The following SCAPER variants were observed in gnomAD, a reference collection of about 807,000 sequenced individuals.
SCAPER encodes the protein S-phase cyclin A associated protein in the ER.
Under a neutral mutation model 182.2 loss-of-function variants are expected in SCAPER, and 98 were observed. That is an observed-to-expected ratio of 0.54 (90% CI 0.46 to 0.64). SCAPER has a LOEUF of 0.64. Among genes scored for constraint, SCAPER ranks in the 30% least tolerant of loss-of-function variants. The probability of loss-of-function intolerance (pLI) is 0.00; values close to 1 mark genes in which losing one functional copy is unlikely to be tolerated. For synonymous variants in SCAPER, 605 were observed against 564.6 expected (o/e 1.07, Z -1.01); for missense variants, 1,432 against 1,690.0 (o/e 0.85, Z 2.68).
intron 29 of SCAPER, among the ~76,000 whole-genome samples, chr15:76,358,528 G>T (rs1480427710): frequency 2.0e-5 from 3 of 152,226 alleles, no homozygotes; most frequent in Non-Finnish European, 4.4e-5. Flanking sequence ...GGCCTTCCTT[G>T]TTGGCAGACA....
At chr15:76,839,805 T>C (rs1362259430) in intron 5 of SCAPER, among the ~76,000 whole-genome samples, 1 of 152,210 alleles carries the variant, frequency 6.6e-6, no homozygotes, top group East Asian at 1.9e-4. Flanking sequence ...TAAAACACAG[T>C]CATGTCAGAG....
chr15:76,722,402 T>C lies in SCAPER; in HGVS notation c.2165+6193A>G, dbSNP rs562736384. Reference sequence around the variant, plus strand: ...TCTAAAATTCTCTTTTTTGGTTGTGTCTCTCCTAGGCTTTGGTATCAGGAT... The same window carrying C: ...TCTAAAATTCTCTTTTTTGGTTGTGCCTCTCCTAGGCTTTGGTATCAGGAT... On this transcript the variant is annotated intron_variant, in intron 17 of 31. Transcript: ENST00000563290. Among the ~76,000 whole-genome samples, 15 of 152,314 alleles carry C rather than the reference T, an allele frequency of 9.8e-5. No homozygotes were observed. The East Asian group carries it at 2.1e-3, about 22-fold the overall frequency.
At chr15:76,708,172 C>G (rs2059362647) in intron 17 of SCAPER, among the ~76,000 whole-genome samples, 1 of 152,060 alleles carries the variant, frequency 6.6e-6, no homozygotes, top group Non-Finnish European at 1.5e-5. Flanking sequence ...TAAATCATCC[C>G]TAGATTACTT....
chr15:76,392,261 G>T (rs1221959834), intron 27 of SCAPER, among the ~76,000 whole-genome samples: 1 of 151,934 alleles, frequency 6.6e-6, no homozygotes, highest in Non-Finnish European at 1.5e-5. Flanking sequence ...ACTTCTATAA[G>T]CTATCTCAAG....
At chr15:76,898,312 G>A (rs563667396) in intron 1 of SCAPER, among the ~76,000 whole-genome samples, 3 of 152,120 alleles carry the variant, frequency 2.0e-5, no homozygotes, top group African/African-American at 7.2e-5. Context: ...AATGTAAACC[G>A]GTACAGCTGG....
chr15:76,471,848 G>A (rs2050202002), intron 24 of SCAPER, among the ~76,000 whole-genome samples: 1 of 152,174 alleles, frequency 6.6e-6, no homozygotes, highest in Non-Finnish European at 1.5e-5. Flanking sequence ...GCGGGGCATG[G>A]ATGAGTGCCT....
In SCAPER at chr15:76,669,771, C is replaced by T. The variant is rs16968413; in HGVS notation, c.2509-3982G>A. The stretch of plus-strand genomic sequence containing the variant: ...AAGGTTTTTTATTACTCCACATTCC[C>T]TCCCGCCATGCTGCTCATGCAGGCT... On this transcript the variant is annotated intron_variant, in intron 20 of 31. Coordinates refer to ENST00000563290, the MANE Select transcript of SCAPER (RefSeq NM_020843.4). Among the ~76,000 whole-genome samples the T allele has an allele frequency of 3.5e-3, 531 of 152,316 alleles. 5 individuals carry two copies. Among genetic ancestry groups the T allele is most frequent in the African/African-American group, 0.012 (493 of 41,568 alleles).
intron 26 of SCAPER, among the ~76,000 whole-genome samples, chr15:76,429,179 G>A (rs1365587062): frequency 6.6e-6 from 1 of 151,988 alleles, no homozygotes; most frequent in Non-Finnish European, 1.5e-5. Flanking sequence ...GCATGATTGT[G>A]AGGCCTCCCC....
At chr15:76,419,191 C>G (rs1232856270) in intron 26 of SCAPER, among the ~76,000 whole-genome samples, 5 of 152,154 alleles carry the variant, frequency 3.3e-5, no homozygotes, top group Admixed American at 3.3e-4. Context: ...CCAAAGCCAA[C>G]ACACGGTACC....
At chr15:76,857,708 A>G in intron 4 of SCAPER, 101 bp downstream of exon 4, 1 of 782,072 alleles carries the variant, frequency 1.3e-6, no homozygotes, top group Non-Finnish European at 2.0e-6. Flanking sequence ...TTATTTAGAT[A>G]AATAATATTC....
intron 8 of SCAPER, among the ~76,000 whole-genome samples, chr15:76,784,845 G>A (rs1002728260): frequency 6.6e-6 from 1 of 152,210 alleles, no homozygotes; most frequent in Non-Finnish European, 1.5e-5. Flanking sequence ...AGCTGAAACT[G>A]GATCTCTTCC....
Position 76,686,324 on chromosome 15 carries a change from A to T in SCAPER, c.2508+15434T>A, listed in dbSNP as rs184519772. ...ACATGAAGAAATGTTTTATGTCATT[A>T]ATGATCATGCAAATAAAAATCAAGC... On this transcript the variant is annotated intron_variant, in intron 20 of 31. Transcript: ENST00000563290. 7.6e-4 allele frequency among the ~76,000 whole-genome samples: 115 copies of T among 152,224 alleles called. 1 individual carries two copies. Among genetic ancestry groups the T allele is most frequent in the Admixed American group, 3.4e-3 (52 of 15,290 alleles).
chr15:76,818,770 G>A (rs940776046), intron 5 of SCAPER, among the ~76,000 whole-genome samples: 2 of 152,260 alleles, frequency 1.3e-5, no homozygotes, highest in Non-Finnish European at 2.9e-5. Flanking sequence ...CACCGTGCGT[G>A]AGCCAAAGCA....
intron 23 of SCAPER, among the ~76,000 whole-genome samples, chr15:76,548,292 G>A (rs2045467516): frequency 6.6e-6 from 1 of 152,108 alleles, no homozygotes; most frequent in African/African-American, 2.4e-5. Flanking sequence ...TGCCTATTTT[G>A]GAAAAATCAG....
chr15:76,514,616 GTT>G (rs1261545123), intron 23 of SCAPER, among the ~76,000 whole-genome samples: 2 of 151,888 alleles, frequency 1.3e-5, no homozygotes, highest in African/African-American at 4.8e-5. Flanking sequence ...GGGGAAAACT[GTT>G]TGCGTGTTCA....
chr15:76,420,253 T>G (rs1214347792), intron 26 of SCAPER, among the ~76,000 whole-genome samples: 1 of 149,726 alleles, frequency 6.7e-6, no homozygotes, highest in Non-Finnish European at 1.5e-5. Context: ...TTTTTTTTTT[T>G]TTTATAGAGA....
At chr15:76,755,562 T>A (rs1348510413) in intron 14 of SCAPER, among the ~76,000 whole-genome samples, 2 of 152,206 alleles carry the variant, frequency 1.3e-5, no homozygotes, top group East Asian at 3.9e-4. Flanking sequence ...TTCAACATGC[T>A]GTGTTAGGTA....
At chr15:76,501,734 T>C (rs906050520) in intron 24 of SCAPER, among the ~76,000 whole-genome samples, 9 of 152,152 alleles carry the variant, frequency 5.9e-5, no homozygotes, top group African/African-American at 2.2e-4. Flanking sequence ...AAAAGGTTCA[T>C]GGAGTTGAGG....
intron 15 of SCAPER, among the ~76,000 whole-genome samples, chr15:76,739,437 G>T (rs1375470651): frequency 2.6e-5 from 4 of 152,132 alleles, no homozygotes; most frequent in Non-Finnish European, 4.4e-5. Context: ...CTCTTCTTGT[G>T]CTTTGGGACC....
Sources: allele counts gnomAD v4.1 joint callset (sites outside exome capture counted in the v4.1 genomes callset), GRCh38; gene constraint gnomAD v4.1.1; transcripts MANE v1.5; gene names NCBI Gene and HGNC (gene_info 2026-07-23, HGNC 2026-07-21).